The following LONP2 variants were observed in gnomAD, a reference collection of about 807,000 sequenced individuals.
LONP2 encodes lon peptidase 2, peroxisomal, also known as lon protease homolog 2, peroxisomal.
Under a neutral mutation model 85.6 loss-of-function variants are expected in LONP2, and 60 were observed. That is an observed-to-expected ratio of 0.70 (90% confidence interval 0.57 to 0.87). LONP2 has a LOEUF of 0.87. Among genes scored for constraint, LONP2 ranks in the 40% least tolerant of loss-of-function variants. LONP2 has a pLI of 0.00. For synonymous variants in LONP2, 395 were observed against 389.7 expected (o/e 1.01, Z -0.16); for missense variants, 860 against 1,063.5 (o/e 0.81, Z 2.66).
Position 48,267,326 on chromosome 16 carries a change from G to T in LONP2, c.983-2690G>T, listed in dbSNP as rs565974542. Among the ~76,000 whole-genome samples, 3 of 152,254 alleles carry T rather than the reference G, an allele frequency of 2.0e-5. No homozygotes were observed. The South Asian group carries it at 6.2e-4, about 32-fold the overall frequency. Reference sequence around the variant, plus strand: ...TTCATATATATATTTTTGAGATGGAGTCTCGCTCTGTCACCCAGTCTGGAG... The same window carrying T: ...TTCATATATATATTTTTGAGATGGATTCTCGCTCTGTCACCCAGTCTGGAG... On this transcript the variant is annotated intron_variant, in intron 6 of 14. Coordinates refer to ENST00000285737, the MANE Select transcript of LONP2 (RefSeq NM_031490.5).
At chr16:48,269,589 G>A (rs1972059477) in intron 6 of LONP2, among the ~76,000 whole-genome samples, 1 of 152,096 alleles carries the variant, frequency 6.6e-6, no homozygotes, top group Non-Finnish European at 1.5e-5. Context: ...GTGATCTCTT[G>A]GGGGCATGAG....
intron 11 of LONP2, among the ~76,000 whole-genome samples, chr16:48,328,188 G>A (rs1389593496): frequency 6.6e-6 from 1 of 152,202 alleles, no homozygotes; most frequent in Non-Finnish European, 1.5e-5. Flanking sequence ...CAAGGCAGGA[G>A]GACCTGAGGC....
At chr16:48,244,678 G>A (rs1971247529) in intron 1 of LONP2, 57 bp downstream of exon 1, 3 of 1,225,716 alleles carry the variant, frequency 2.4e-6, no homozygotes, top group Admixed American at 4.2e-5. Flanking sequence ...CCGGGGACCT[G>A]GGCCCAGGCC....
chr16:48,288,011 A>C lies in LONP2; in HGVS notation c.1384-8004A>C, dbSNP rs561937777. ...TTGGTTTATCACTTGTTCAGATGAA[A>C]TATATCTTCAGGTTACTTCATTCAA... is the stretch of plus-strand genomic sequence containing the variant. On this transcript the variant is annotated intron_variant, in intron 8 of 14. Coordinates refer to ENST00000285737, the MANE Select transcript of LONP2 (RefSeq NM_031490.5). Among the ~76,000 whole-genome samples, 3 of 152,296 alleles carry C rather than the reference A, an allele frequency of 2.0e-5. No homozygotes were observed. In the East Asian group the frequency reaches 5.8e-4, roughly 29 times the overall value.
chr16:48,256,277 G>A (rs1313390516), intron 2 of LONP2, among the ~76,000 whole-genome samples: 1 of 152,198 alleles, frequency 6.6e-6, no homozygotes, highest in Non-Finnish European at 1.5e-5. Flanking sequence ...GAAGAAGGAT[G>A]TACAGGAGTT....
chr16:48,294,690 T>TG (rs1290956344), intron 8 of LONP2, among the ~76,000 whole-genome samples: 1 of 152,150 alleles, frequency 6.6e-6, no homozygotes, highest in Non-Finnish European at 1.5e-5. Context: ...GCTGAGACCA[T>TG]GCCACTGCAC....
chr16:48,302,543 A>G (rs937959710), intron 10 of LONP2, among the ~76,000 whole-genome samples: 1 of 152,226 alleles, frequency 6.6e-6, no homozygotes, highest in Admixed American at 6.5e-5. Context: ...TTTGATTCTA[A>G]TGTACATGTG....
At chr16:48,289,306 G>T (rs1972512589) in intron 8 of LONP2, among the ~76,000 whole-genome samples, 1 of 152,132 alleles carries the variant, frequency 6.6e-6, no homozygotes, top group Non-Finnish European at 1.5e-5. Context: ...ACATTTTAGG[G>T]AAGCATGAGA....
chr16:48,247,144 G>C (rs1971435929), intron 1 of LONP2, among the ~76,000 whole-genome samples: 1 of 152,192 alleles, frequency 6.6e-6, no homozygotes, highest in Non-Finnish European at 1.5e-5. Context: ...TATGTGGAAA[G>C]ATTGTACCAT....
intron 11 of LONP2, among the ~76,000 whole-genome samples, chr16:48,328,280 T>C (rs1959313393): frequency 6.6e-6 from 1 of 151,758 alleles, no homozygotes; most frequent in South Asian, 2.1e-4. Context: ...GCGCGGTGGT[T>C]CACACCTGTA....
At chr16:48,292,151 GATAAA>G (rs1229760606) in intron 8 of LONP2, among the ~76,000 whole-genome samples, 3 of 152,186 alleles carry the variant, frequency 2.0e-5, no homozygotes, top group Non-Finnish European at 2.9e-5. Flanking sequence ...TTCTACATAA[GATAAA>G]ATAAATATAG....
At position 48,261,572 on chromosome 16, in the gene LONP2, T is replaced by G; in HGVS notation, c.872T>G (p.Val291Gly). ...SMPEQAHKVC[V>G]KEIKRLKKMP... ...CCAGAGCAGGCCCATAAAGTCTGTG[T>G]CAAAGAGATAAAGAGGTAAATTATA... is the stretch of plus-strand genomic sequence containing the variant. The change falls in exon 5 of 15, where the codon GTC (valine) becomes GGC (glycine). Residue 291 changes from valine (V) to glycine (G), a missense_variant. Physicochemically the swap from Val to Gly is moderately radical, Grantham distance 109. Transcript: ENST00000285737. 1 of 1,584,220 alleles carries G rather than the reference T, an allele frequency of 6.3e-7. No homozygotes were observed.
chr16:48,362,535 T>C lies in LONP2; in HGVS notation c.*672T>C, dbSNP rs1960634574. ...AGTCCTTTTAAAGTTTCATACAAAA[T>C]TTACTGAGCAAAAGAGGAAGAAAAA... On this transcript the variant is annotated 3_prime_UTR_variant, in exon 5 of 5. Transcript: ENST00000565867. The surrounding 1 kb of genome is among the most constrained non-coding windows in gnomAD (Gnocchi z 4.2). 1.6e-5 allele frequency: 19 copies of C among 1,159,694 alleles called. No homozygotes were observed. Among genetic ancestry groups the C allele is most frequent in the Non-Finnish European group, 2.3e-5 (19 of 816,896 alleles). 71.8% of individuals were successfully genotyped at this position (1,159,694 alleles called of 1,614,324 possible).
At chr16:48,361,804 C>A, downstream of LONP2, 2 of 1,614,154 alleles carry the variant, frequency 1.2e-6, no homozygotes, top group Non-Finnish European at 1.7e-6. Flanking sequence ...ATCAGCTGTA[C>A]GATTGCGAAG....
chr16:48,302,142 T>A (rs1270422755), intron 10 of LONP2, among the ~76,000 whole-genome samples: 1 of 152,254 alleles, frequency 6.6e-6, no homozygotes, highest in Non-Finnish European at 1.5e-5. Flanking sequence ...TGAATTTCGC[T>A]AAGCTTGGCA....
chr16:48,355,847 TTTTAG>T lies in LONP2; in HGVS notation c.*4050_*4054del, dbSNP rs1219452742. On this transcript the variant is annotated 3_prime_UTR_variant, in exon 15 of 15. Coordinates refer to ENST00000285737, the MANE Select transcript of LONP2 (RefSeq NM_031490.5). ...TATTGAAAATTATTAACTCTAGAAA[TTTTAG>T]TTTAAACTAGACTTAGGGATATGTG... 2.0e-5 allele frequency: 3 copies of T among 152,216 alleles called. No individual in the cohort carries two copies. The highest frequency in any genetic ancestry group is 4.8e-5 in the African/African-American group (2 of 41,448). 9.4% of individuals were successfully genotyped at this position (152,216 alleles called of 1,614,324 possible). A position where few individuals can be genotyped will look rare whatever the true frequency, so the allele number is the denominator to read the frequency against.
intron 8 of LONP2, among the ~76,000 whole-genome samples, chr16:48,282,020 G>A (rs1007651771): frequency 1.4e-4 from 22 of 152,020 alleles, no homozygotes; most frequent in Non-Finnish European, 5.9e-5. Flanking sequence ...TCCAAATATC[G>A]AATGGAGTTA....
intron 14 of LONP2, 37 bp from the exon 15 acceptor site, chr16:48,351,544 G>C (rs1960147130): frequency 2.6e-6 from 4 of 1,549,998 alleles, no homozygotes; most frequent in Non-Finnish European, 3.5e-6. Flanking sequence ...GCTTGAGGGT[G>C]ATCATTAACC....
rs1190706232 is a variant in LONP2, at chr16:48,362,444, A to AT, written c.*582dup. On this transcript the variant is annotated 3_prime_UTR_variant, in exon 5 of 5. Transcript: ENST00000565867. The surrounding 1 kb of genome is among the most constrained non-coding windows in gnomAD (Gnocchi z 4.2). ...GACGGCTCATTTCTGAAATAAATAC[A>AT]TAAGGAGGCAGGAGAAAAATAATTA... The AT allele has an allele frequency of 4.3e-6, 7 of 1,612,294 alleles. No individual in the cohort carries two copies. In the East Asian group the frequency reaches 1.6e-4, roughly 36 times the overall value.
Sources: gnomAD v4.1 joint callset for allele counts (sites outside exome capture counted in the v4.1 genomes callset) on GRCh38, gnomAD v4.1.1 for gene constraint, Gnocchi (gnomAD v3.1) non-coding constraint, MANE v1.5 for transcripts, NCBI Gene and HGNC (gene_info 2026-07-23, HGNC 2026-07-21) for gene names.